Variants in ASTN2 observed in about 807,000 individuals in gnomAD.
ASTN2 encodes astrotactin-2.
In ASTN2, 54 loss-of-function variants were observed where a neutral mutation model predicts 139.8. The observed-to-expected ratio is 0.39, with a 90% CI of 0.31 to 0.48. ASTN2 has a LOEUF of 0.48. Ranked by LOEUF, ASTN2 falls within the 20% of genes least tolerant of loss-of-function variation. The pLI, the probability that ASTN2 is intolerant of heterozygous loss-of-function variation, is 0.95. For synonymous variants in ASTN2, 756 were observed against 719.5 expected, an observed-to-expected ratio of 1.05 and a Z score of -0.81; for missense variants, 1,565 against 1,725.1, an observed-to-expected ratio of 0.91 and a Z score of 1.64.
chr9:116,588,296 T>C (rs917551842), intron 19 of ASTN2, among the ~76,000 whole-genome samples: 1 of 152,350 alleles, frequency 6.6e-6, no homozygotes, highest in Non-Finnish European at 1.5e-5. Flanking sequence ...TGACCTTCTA[T>C]TGAAAGACAT....
intron 7 of ASTN2, among the ~76,000 whole-genome samples, chr9:116,999,544 C>CT (rs1314447211): frequency 1.9e-5 from 2 of 103,704 alleles, no homozygotes; most frequent in Admixed American, 1.1e-4. Context: ...TTCTTTCTCT[C>CT]TTTCTTTTTT....
intron 13 of ASTN2, among the ~76,000 whole-genome samples, chr9:116,780,523 G>A (rs980984813): frequency 6.6e-5 from 10 of 152,148 alleles, no homozygotes; most frequent in African/African-American, 2.4e-4. Flanking sequence ...AGAAGCAATT[G>A]GAAAGTGAGG....
intron 17 of ASTN2, among the ~76,000 whole-genome samples, chr9:116,649,634 T>A (rs535273852): frequency 6.6e-6 from 1 of 152,288 alleles, no homozygotes; most frequent in South Asian, 2.1e-4. Context: ...TTCATTCATT[T>A]CATATTGACA....
intron 2 of ASTN2, among the ~76,000 whole-genome samples, chr9:117,215,848 T>C (rs962650356): frequency 3.9e-5 from 6 of 152,162 alleles, no homozygotes; most frequent in African/African-American, 1.4e-4. Context: ...ATGCCTGCTG[T>C]GTAATCCCTA....
At chr9:116,890,710 A>G (rs1247314356) in intron 10 of ASTN2, among the ~76,000 whole-genome samples, 1 of 152,168 alleles carries the variant, frequency 6.6e-6, no homozygotes, top group Admixed American at 6.5e-5. Flanking sequence ...AACAGAAGTT[A>G]GCATGTTTAA....
chr9:116,584,580 A>C (rs1448540487), intron 19 of ASTN2: 6 of 152,242 alleles, frequency 3.9e-5, no homozygotes, highest in African/African-American at 1.4e-4. Context: ...CCATAAAAAA[A>C]TACAACTAGC....
chr9:116,757,111 T>A (rs1829553756), intron 13 of ASTN2, among the ~76,000 whole-genome samples: 2 of 152,250 alleles, frequency 1.3e-5, no homozygotes, highest in Admixed American at 1.3e-4. Context: ...TCAGGGCAGC[T>A]CCTAGTGAGG....
intron 16 of ASTN2, among the ~76,000 whole-genome samples, chr9:116,702,465 C>T (rs770768494): frequency 1.3e-4 from 20 of 152,134 alleles, no homozygotes; most frequent in Non-Finnish European, 2.6e-4. Context: ...CTGTCTATTT[C>T]ACATTCCTAT....
chr9:116,759,462 A>G (rs900695194), intron 13 of ASTN2, among the ~76,000 whole-genome samples: 1 of 152,108 alleles, frequency 6.6e-6, no homozygotes, highest in Non-Finnish European at 1.5e-5. Context: ...AGCAATAACA[A>G]TATCAGAACC....
chr9:117,362,183 A>G (rs773573442), intron 1 of ASTN2, among the ~76,000 whole-genome samples: 133 of 152,272 alleles, frequency 8.7e-4, no homozygotes, highest in Middle Eastern at 6.8e-3. Flanking sequence ...CATGTTGGCC[A>G]GGCTGGTCTC....
At chr9:117,289,862 C>T (rs1012757694) in intron 2 of ASTN2, among the ~76,000 whole-genome samples, 13 of 152,148 alleles carry the variant, frequency 8.5e-5, no homozygotes, top group East Asian at 3.8e-4. Flanking sequence ...TGTTCCTCCA[C>T]GTGATGAGCA....
intron 11 of ASTN2, among the ~76,000 whole-genome samples, chr9:116,824,694 A>C (rs1445647280): frequency 1.3e-5 from 2 of 152,224 alleles, no homozygotes; most frequent in Admixed American, 1.3e-4. Flanking sequence ...TTTTGTTTTA[A>C]GTGACTTGAT....
intron 1 of ASTN2, among the ~76,000 whole-genome samples, chr9:117,389,017 T>C (rs1470777430): frequency 6.6e-6 from 1 of 152,184 alleles, no homozygotes; most frequent in African/African-American, 2.4e-5. Flanking sequence ...AACTAATCCT[T>C]ACTGTGCTAC....
intron 19 of ASTN2, among the ~76,000 whole-genome samples, chr9:116,512,807 A>G (rs972881309): frequency 4.6e-5 from 7 of 152,264 alleles, no homozygotes; most frequent in Middle Eastern, 3.4e-3. Flanking sequence ...CTCTTTTATC[A>G]GAGTCTAGGA....
chr9:117,200,224 C>T (rs1359121004), intron 3 of ASTN2, among the ~76,000 whole-genome samples: 1 of 136,092 alleles, frequency 7.3e-6, no homozygotes, highest in African/African-American at 2.7e-5. Flanking sequence ...AATGCTATCC[C>T]TCCCCCCTCC....
chr9:116,434,077 A>G (rs562249711), intron 22 of ASTN2, among the ~76,000 whole-genome samples: 2 of 152,254 alleles, frequency 1.3e-5, no homozygotes, highest in South Asian at 4.2e-4. Context: ...TTTTGTTAGT[A>G]TTAGTTAGTT....
intron 3 of ASTN2, among the ~76,000 whole-genome samples, chr9:117,192,773 G>T (rs1274539196): frequency 1.3e-5 from 2 of 152,116 alleles, no homozygotes; most frequent in Non-Finnish European, 2.9e-5. Context: ...TGAACTTAAG[G>T]GATGTGGGTA....
intron 1 of ASTN2, among the ~76,000 whole-genome samples, chr9:117,343,139 A>G (rs1829111586): frequency 6.6e-6 from 1 of 152,164 alleles, no homozygotes; most frequent in Non-Finnish European, 1.5e-5. Flanking sequence ...ATTTCTCTAG[A>G]GGCTCTAGGG....
chr9:116,742,519 G>T (rs1829121701), intron 13 of ASTN2, among the ~76,000 whole-genome samples: 1 of 152,120 alleles, frequency 6.6e-6, no homozygotes, highest in Non-Finnish European at 1.5e-5. Context: ...GTCAATAAAT[G>T]CTTAAGATAT....
Sources: allele counts gnomAD v4.1 joint callset (sites outside exome capture counted in the v4.1 genomes callset), GRCh38; gene constraint gnomAD v4.1.1; transcripts MANE v1.5; gene names NCBI Gene and HGNC (gene_info 2026-07-23, HGNC 2026-07-21).